Variants in SNURF observed in about 807,000 individuals in gnomAD.
The protein encoded by SNURF is SNURF protein.
SNURF carries 6 observed loss-of-function variants against 11.6 expected under a neutral mutation model. That is an observed-to-expected ratio of 0.52 (90% CI 0.28 to 1.02). SNURF has a LOEUF of 1.02. Among genes scored for constraint, SNURF ranks in the 50% least tolerant of loss-of-function variants. The pLI, the probability that SNURF is intolerant of heterozygous loss-of-function variation, is 0.09. For missense variants in SNURF, 84 were observed against 88.4 expected (o/e 0.95, Z 0.20); for synonymous variants, 29 against 31.6 (o/e 0.92, Z 0.27).
At chr15:24,964,563 G>A (rs1159892365) in intron 2 of SNURF, among the ~76,000 whole-genome samples, 3 of 152,160 alleles carry the variant, frequency 2.0e-5, no homozygotes, top group Non-Finnish European at 4.4e-5. Flanking sequence ...TTCCCAAAGT[G>A]CTAGGATTAC....
intron 1 of SNURF, among the ~76,000 whole-genome samples, chr15:24,955,677 A>G (rs1365890036): frequency 2.2e-5 from 1 of 44,518 alleles, no homozygotes; most frequent in Non-Finnish European, 4.4e-5. Flanking sequence ...TCGGTGTGAC[A>G]GTGGTGGGGG....
downstream of SNURF, among the ~76,000 whole-genome samples, chr15:24,969,649 T>C (rs2076151738): frequency 6.6e-6 from 1 of 151,502 alleles, no homozygotes; most frequent in South Asian, 2.1e-4. Flanking sequence ...GTTCACAGAT[T>C]TTTGTAAATT....
intron 3 of SNURF, chr15:24,974,704 C>T: frequency 1.6e-6 from 1 of 609,930 alleles, no homozygotes; most frequent in South Asian, 2.0e-5. Context: ...CACTGCAACC[C>T]TGGGTTCAAG....
At chr15:24,968,333 T>C (rs888789548) in exon 3 of SNURF, 2 of 291,932 alleles carry the variant, frequency 6.9e-6, no homozygotes, top group African/African-American at 2.2e-5. Flanking sequence ...TTTTTAATTA[T>C]ATAAAAATAT....
exon 3 of SNURF, chr15:24,968,131 G>A: frequency 9.5e-7 from 1 of 1,047,848 alleles, no homozygotes; most frequent in Non-Finnish European, 1.5e-6. Flanking sequence ...ATTAAAGAAT[G>A]GGGTGTTGGG....
chr15:24,974,783 T>C, intron 3 of SNURF: 1 of 627,830 alleles, frequency 1.6e-6, no homozygotes, highest in East Asian at 2.7e-5. Flanking sequence ...GGTCTCAGGC[T>C]CCTGACCTCT....
chr15:24,959,637 T>C (rs17785573), intron 1 of SNURF, among the ~76,000 whole-genome samples: 3,491 of 152,322 alleles, frequency 0.023, 77 homozygotes, highest in Non-Finnish European at 0.031. Context: ...TGATAGTTTC[T>C]TTAATTGTAT....
At chr15:24,977,378 G>A (rs1346791782) in intron 6 of SNURF, among the ~76,000 whole-genome samples, 1 of 152,024 alleles carries the variant, frequency 6.6e-6, no homozygotes, top group Non-Finnish European at 1.5e-5. Context: ...AGTGGCTTAC[G>A]CCTGTAATCC....
At chr15:24,974,631 A>T (rs1404522284) in intron 3 of SNURF, 4 of 693,394 alleles carry the variant, frequency 5.8e-6, no homozygotes, top group Non-Finnish European at 1.0e-5. Context: ...TTTTATTTTT[A>T]TTTTTTTCAG....
downstream of SNURF, among the ~76,000 whole-genome samples, chr15:24,973,501 G>T (rs1355608587): frequency 6.6e-6 from 1 of 152,066 alleles, no homozygotes; most frequent in African/African-American, 2.4e-5. Flanking sequence ...AGGTTCAAGC[G>T]ATTCTCCTAC....
At chr15:24,958,486 GTTTTTTTTTTTTTTTTT>G (rs71127030) in intron 1 of SNURF, among the ~76,000 whole-genome samples, 85 of 65,302 alleles carry the variant, frequency 1.3e-3, no homozygotes, top group Middle Eastern at 0.022. Flanking sequence ...CTGGCTCAAA[GTTTTTTTTTTTTTTTTT>G]TTTTTTTTTT....
intron 1 of SNURF, among the ~76,000 whole-genome samples, chr15:24,958,321 G>C (rs957151871): frequency 6.6e-6 from 1 of 150,920 alleles, no homozygotes; most frequent in African/African-American, 2.4e-5. Context: ...TGTGAGTACT[G>C]CCCTCAATTA....
exon 7 of SNURF, chr15:24,977,809 C>A: frequency 1.2e-6 from 2 of 1,613,160 alleles, no homozygotes; most frequent in Non-Finnish European, 8.5e-7. Flanking sequence ...GGCACTGTAG[C>A]AGCTGCTGCT....
At chr15:24,978,394 A>G (rs780574460), downstream of SNURF, 6 of 1,613,804 alleles carry the variant, frequency 3.7e-6, no homozygotes, top group Non-Finnish European at 4.2e-6. Flanking sequence ...CAATGTTTCT[A>G]TTTCCTTTCC....
downstream of SNURF, chr15:24,968,726 A>T (rs561310739): frequency 2.0e-5 from 3 of 152,248 alleles, no homozygotes; most frequent in Non-Finnish European, 2.9e-5. Context: ...TTATTTACTA[A>T]TTCCTTTTTG....
At chr15:24,958,520 TA>T (rs1555405064) in intron 1 of SNURF, among the ~76,000 whole-genome samples, 1 of 120,716 alleles carries the variant, frequency 8.3e-6, no homozygotes, top group Non-Finnish European at 1.6e-5. Flanking sequence ...TTTTTTTTTT[TA>T]AATAGACCAG....
chr15:24,970,790 C>T (rs920749297), downstream of SNURF, among the ~76,000 whole-genome samples: 1 of 152,144 alleles, frequency 6.6e-6, no homozygotes, highest in Non-Finnish European at 1.5e-5. Flanking sequence ...TTCTCAGTAC[C>T]ACCCTTTGTA....
In SNURF at chr15:24,976,068, G is replaced by A. The variant is rs1293188444; in HGVS notation, c.*198-237G>A. ...TTTCACAAAAGAAATTAGTCTTGTT[G>A]TAGTGTAACATCAAAGGAACATTCT... On this transcript the variant is annotated intron_variant and NMD_transcript_variant, in intron 4 of 6. Transcript: ENST00000580062. Among the ~76,000 whole-genome samples the A allele has an allele frequency of 3.3e-5, 5 of 152,096 alleles. No individual in the cohort carries two copies. The East Asian group carries it at 7.7e-4, about 23-fold the overall frequency.
At position 24,974,763 on chromosome 15, in the gene SNURF, T is replaced by C. The variant is rs1009445913; in HGVS notation, c.*46-595T>C. 9.8e-6 allele frequency: 6 copies of C among 613,920 alleles called. No individual in the cohort carries two copies. In the Admixed American group the frequency reaches 1.1e-4, roughly 12 times the overall value. The allele number at this position is 613,920 out of a possible 1,614,324, so 38.0% of individuals were successfully genotyped here. A position where few individuals can be genotyped will look rare whatever the true frequency, so the allele number is the denominator to read the frequency against. ...TATTAGAAACAGGGTTTCACTGTGTTGGCCAGGCTGGTCTCAGGCTCCTGA... is the reference window on the plus strand; with the variant it reads ...TATTAGAAACAGGGTTTCACTGTGTCGGCCAGGCTGGTCTCAGGCTCCTGA... On this transcript the variant is annotated intron_variant and NMD_transcript_variant, in intron 3 of 6. Coordinates refer to the SNURF transcript ENST00000580062.
Sources: gnomAD v4.1 joint callset for allele counts (sites outside exome capture counted in the v4.1 genomes callset) on GRCh38, gnomAD v4.1.1 for gene constraint, MANE v1.5 for transcripts, NCBI Gene and HGNC (gene_info 2026-07-23, HGNC 2026-07-21) for gene names.